Variants in ABCG5 observed in about 807,000 individuals in gnomAD.
The protein encoded by ABCG5 is ATP-binding cassette sub-family G member 5.
A neutral mutation model predicts 64.5 loss-of-function variants in ABCG5; 64 were observed. The observed-to-expected ratio is 0.99, with a 90% CI of 0.81 to 1.22. The LOEUF (loss-of-function observed/expected upper bound fraction) is 1.22, where lower values mean the gene tolerates loss of function less well. Ranked by LOEUF, ABCG5 falls within the 50% of genes most tolerant of loss-of-function variation. The pLI is 0.00. For synonymous variants in ABCG5, 385 were observed against 326.3 expected (o/e 1.18, Z -1.94); for missense variants, 908 against 829.5 (o/e 1.09, Z -1.16).
In ABCG5 at chr2:43,825,034, A is replaced by T. The variant is rs1667505539; in HGVS notation, c.775-16T>A. 1.2e-6 allele frequency: 2 copies of T among 1,612,970 alleles called. No individual in the cohort carries two copies. Among genetic ancestry groups the T allele is most frequent in the Admixed American group, 3.3e-5 (2 of 59,940 alleles). The stretch of plus-strand genomic sequence containing the variant: ...TGTCAAAGAGCTGACCAGACAACAG[A>T]CGTAGTTAGTGTGTGATCACAAGGG... On this transcript the variant is annotated splice_polypyrimidine_tract_variant and intron_variant, in intron 6 of 12. Coordinates refer to ENST00000405322, the MANE Select transcript of ABCG5 (RefSeq NM_022436.3).
intron 6 of ABCG5, 138 bp downstream of exon 6, chr2:43,826,244 C>T: frequency 7.7e-7 from 1 of 1,301,990 alleles, no homozygotes; most frequent in Non-Finnish European, 1.1e-6. Context: ...AAGTGCTCCT[C>T]CTGCCTCAGC....
At chr2:43,826,351 A>T in intron 6 of ABCG5, 31 bp downstream of exon 6, 1 of 1,613,338 alleles carries the variant, frequency 6.2e-7, no homozygotes, top group Non-Finnish European at 8.5e-7. Flanking sequence ...AACACACCAT[A>T]GACCCGGCCT....
downstream of ABCG5, chr2:43,809,685 G>A (rs1173225904): frequency 6.3e-7 from 1 of 1,580,152 alleles, no homozygotes; most frequent in Non-Finnish European, 8.6e-7. Context: ...TTCTTAAAGT[G>A]ATACATATTT....
intron 9 of ABCG5, 142 bp downstream of exon 9, chr2:43,823,771 C>T (rs1667404533): frequency 2.1e-6 from 2 of 935,226 alleles, no homozygotes; most frequent in East Asian, 2.6e-5. Context: ...CAATAGTTGC[C>T]TTTCCCCAGA....
chr2:43,824,750 A>G lies in ABCG5; in HGVS notation c.904+139T>C, dbSNP rs1219485207. On this transcript the variant is annotated intron_variant, in intron 7 of 12. Coordinates refer to ENST00000405322, the MANE Select transcript of ABCG5 (RefSeq NM_022436.3). ...CTCTGGCAAGTTCATTGACCCGGCC[A>G]AATTGATTCCTTGAAGAGTATAAAA... 6 of 1,461,716 alleles carry G rather than the reference A, an allele frequency of 4.1e-6. No homozygotes were observed. In the Admixed American group the frequency reaches 1.3e-4, roughly 31 times the overall value. The allele number at this position is 1,461,716 out of a possible 1,614,324, so 90.5% of individuals were successfully genotyped here.
Position 43,825,163 on chromosome 2 carries a change from G to C in ABCG5, c.775-145C>G, listed in dbSNP as rs925450199. The C allele has an allele frequency of 5.1e-6, 5 of 983,504 alleles. No homozygotes were observed. The African/African-American group carries it at 8.2e-5, about 16-fold the overall frequency. 60.9% of individuals were successfully genotyped at this position (983,504 alleles called of 1,614,324 possible). The stretch of plus-strand genomic sequence containing the variant: ...ATGGGAAATGCATTTCCCATAAGCA[G>C]TCAGTCCTTCGATGACCTTGGCCCT... On this transcript the variant is annotated intron_variant, in intron 6 of 12. Coordinates refer to ENST00000405322, the MANE Select transcript of ABCG5 (RefSeq NM_022436.3).
intron 7 of ABCG5, 155 bp downstream of exon 7, chr2:43,824,734 G>T: frequency 1.1e-6 from 1 of 926,050 alleles, no homozygotes; most frequent in Non-Finnish European, 1.3e-6. Context: ...TCTCTGGCAA[G>T]TTCATTGACC....
chr2:43,827,420 G>C lies in ABCG5; in HGVS notation c.634+563C>G, dbSNP rs13418826. The stretch of plus-strand genomic sequence containing the variant: ...ACCATTTGAAGAACAGGCCGTCCTG[G>C]TCTACCACAGTGCAAAGAAAGGATC... On this transcript the variant is annotated intron_variant, in intron 5 of 12. Transcript: ENST00000405322. 4.1e-3 allele frequency among the ~76,000 whole-genome samples: 619 copies of C among 152,116 alleles called. 1 individual carries two copies. The highest frequency in any genetic ancestry group is 7.5e-3 in the Non-Finnish European group (509 of 67,994).
rs200655485 is a variant in ABCG5, at chr2:43,831,752, C to CG, written c.501+16dup. 1.4e-3 allele frequency: 2,249 copies of CG among 1,563,356 alleles called. 32 individuals carry two copies. The African/African-American group carries it at 0.025, about 18-fold the overall frequency. ...AGGTACTCAGTTTGCCCTCTGTGAG[C>CG]GGGGGGCTGCACCCACCTTCTTCTG... On this transcript the variant is annotated intron_variant, in intron 4 of 12. Coordinates refer to ENST00000405322, the MANE Select transcript of ABCG5 (RefSeq NM_022436.3).
chr2:43,838,339 G>A lies in ABCG5; in HGVS notation c.143+198C>T, dbSNP rs1485752672. ...TTGTTTATGCCCAGGCCCTTCCCTG[G>A]GCAGGGGGAGGGGCCATTCACTGTC... On this transcript the variant is annotated intron_variant, in intron 1 of 12. Transcript: ENST00000405322. This position sits in a 1 kb window ranked among gnomAD's most constrained non-coding sequence, Gnocchi z 4.2. 1.6e-6 allele frequency: 1 copy of A among 629,886 alleles called. No homozygotes were observed. Among genetic ancestry groups the A allele is most frequent in the Non-Finnish European group, 2.7e-6 (1 of 364,424 alleles). 39.0% of individuals were successfully genotyped at this position (629,886 alleles called of 1,614,324 possible). A position where few individuals can be genotyped will look rare whatever the true frequency, so the allele number is the denominator to read the frequency against.
intron 11 of ABCG5, among the ~76,000 whole-genome samples, chr2:43,817,344 G>A (rs975857577): frequency 5.3e-5 from 8 of 151,936 alleles, no homozygotes; most frequent in Non-Finnish European, 1.2e-4. Context: ...AATTAGCTGG[G>A]CGTGGTGGTG....
At chr2:43,822,485 C>CCG (rs1553369674) in intron 10 of ABCG5, 1 of 925,952 alleles carries the variant, frequency 1.1e-6, no homozygotes, top group Non-Finnish European at 1.3e-6. Context: ...CAGGCCCCCC[C>CCG]CCATGCACCT....
chr2:43,838,997 C>G, upstream of ABCG5: 1 of 1,514,616 alleles, frequency 6.6e-7, no homozygotes, highest in Non-Finnish European at 9.0e-7. The surrounding 1 kb of genome is among the most constrained non-coding windows in gnomAD (Gnocchi z 4.2). Flanking sequence ...CTGGCCCTGG[C>G]AGGCAGCAGC....
downstream of ABCG5, among the ~76,000 whole-genome samples, chr2:43,808,034 AAAC>A (rs1400436845): frequency 6.6e-6 from 1 of 152,182 alleles, no homozygotes; most frequent in Non-Finnish European, 1.5e-5. Context: ...AAGAATCTCA[AAAC>A]AACATTTTCA....
chr2:43,810,385 ATCTAAGGAGATATCC>A, downstream of ABCG5: 1 of 985,424 alleles, frequency 1.0e-6, no homozygotes, highest in Non-Finnish European at 1.2e-6. Context: ...GAACAGGCAC[ATCTAAGGAGATATCC>A]TATCAAGAAG....
chr2:43,827,377 G>A (rs1324316485), intron 5 of ABCG5, among the ~76,000 whole-genome samples: 1 of 150,970 alleles, frequency 6.6e-6, no homozygotes, highest in Non-Finnish European at 1.5e-5. Flanking sequence ...TCTCTTATTT[G>A]CCTTCTAGTG....
At chr2:43,834,890 T>G (rs1668166726) in intron 2 of ABCG5, among the ~76,000 whole-genome samples, 1 of 152,258 alleles carries the variant, frequency 6.6e-6, no homozygotes, top group Non-Finnish European at 1.5e-5. Flanking sequence ...CATCATCTTT[T>G]GCCTCGCTAA....
chr2:43,828,090 C>G lies in ABCG5; in HGVS notation c.527G>C (p.Ser176Thr). 6.2e-7 allele frequency: 1 copy of G among 1,614,086 alleles called. No individual in the cohort carries two copies. Among genetic ancestry groups the G allele is most frequent in the South Asian group, 1.1e-5 (1 of 91,078 alleles). Residue 176 changes from serine (S) to threonine (T), a missense_variant, in exon 5 of 13, where the codon AGT (serine) becomes ACT (threonine). Transcript: ENST00000405322. ...KKVEAVMAELSLSHVADRLIG... is the reference protein window; with the variant it reads ...KKVEAVMAELTLSHVADRLIG... ...CAGTCGGTCTGCCACATGGCTCAGA[C>G]TCAGCTCTGCCATGACGGCCTCCAC...
At chr2:43,813,793 C>G (rs1666640866) in intron 12 of ABCG5, among the ~76,000 whole-genome samples, 1 of 137,958 alleles carries the variant, frequency 7.2e-6, no homozygotes, top group Admixed American at 7.8e-5. Flanking sequence ...TCTGGGCTCA[C>G]TGCAACCTCA....
Sources: gnomAD v4.1 joint callset for allele counts (sites outside exome capture counted in the v4.1 genomes callset) on GRCh38, gnomAD v4.1.1 for gene constraint, Gnocchi (gnomAD v3.1) non-coding constraint, MANE v1.5 for transcripts, NCBI Gene and HGNC (gene_info 2026-07-23, HGNC 2026-07-21) for gene names.